NSL1: variants seen among roughly 807,000 people sequenced by gnomAD.
NSL1 encodes the protein kinetochore-associated protein NSL1 homolog.
NSL1 carries 11 observed loss-of-function variants against 25.4 expected under a neutral mutation model. The observed-to-expected ratio is 0.43, with a 90% confidence interval of 0.27 to 0.72. The LOEUF (loss-of-function observed/expected upper bound fraction) is 0.72, where lower values mean the gene tolerates loss of function less well. Among genes scored for constraint, NSL1 ranks in the 30% least tolerant of loss-of-function variants. The pLI is 0.19. For synonymous variants in NSL1, 118 were observed against 120.6 expected (o/e 0.98, Z 0.14); for missense variants, 330 against 342.7 (o/e 0.96, Z 0.29).
chr1:212,779,294 C>T (rs1296533849), intron 4 of NSL1, among the ~76,000 whole-genome samples: 2 of 142,054 alleles, frequency 1.4e-5, no homozygotes, highest in African/African-American at 5.2e-5. Flanking sequence ...TGGGGGTCAG[C>T]CCCCCGCCCA....
intron 4 of NSL1, among the ~76,000 whole-genome samples, chr1:212,756,737 T>C (rs1485382554): frequency 6.6e-6 from 1 of 152,034 alleles, no homozygotes; most frequent in Non-Finnish European, 1.5e-5. Context: ...GGAGAATCAC[T>C]TGAACCTGGG....
At chr1:212,775,891 G>T (rs1056423821) in intron 4 of NSL1, among the ~76,000 whole-genome samples, 5 of 151,696 alleles carry the variant, frequency 3.3e-5, no homozygotes, top group African/African-American at 1.2e-4. Context: ...GCAGTGGCGC[G>T]ATCTCGGCTC....
At chr1:212,773,423 A>G (rs7513772) in intron 4 of NSL1, among the ~76,000 whole-genome samples, 99,440 of 152,030 alleles carry the variant, frequency 0.65, 32,941 homozygotes, top group Non-Finnish European at 0.69. Flanking sequence ...CAAAAGATAT[A>G]TGAAAAGATG....
rs1658296414 is a variant in NSL1, at chr1:212,737,865, C to T, written c.*543G>A. ...AGTTAATCTCACAAACCTAAATTAG[C>T]TGAACATGGAGTAACAAAGTCAAAG... is the stretch of plus-strand genomic sequence containing the variant. On this transcript the variant is annotated 3_prime_UTR_variant, in exon 6 of 6. Coordinates refer to ENST00000366977, the MANE Select transcript of NSL1 (RefSeq NM_015471.4). 1 of 985,236 alleles carries T rather than the reference C, an allele frequency of 1.0e-6. No individual in the cohort carries two copies. The highest frequency in any genetic ancestry group is 1.7e-5 in the African/African-American group (1 of 57,324). The allele number at this position is 985,236 out of a possible 1,614,324, so 61.0% of individuals were successfully genotyped here.
rs909397931 is a variant in NSL1, at chr1:212,733,241, C to T, written c.*5167G>A. 1.3e-5 allele frequency among the ~76,000 whole-genome samples: 2 copies of T among 151,926 alleles called. No homozygotes were observed. Among genetic ancestry groups the T allele is most frequent in the African/African-American group, 4.8e-5 (2 of 41,350 alleles). On this transcript the variant is annotated 3_prime_UTR_variant, in exon 6 of 6. Transcript: ENST00000366977. ...TCGCTTGAGCTCACGAGTTTGAGAC[C>T]AGCCACATAGCGAAACTCCGTCTCT... is the stretch of plus-strand genomic sequence containing the variant.
intron 4 of NSL1, among the ~76,000 whole-genome samples, chr1:212,745,166 A>AAACAAAC (rs1558041828): frequency 8.5e-5 from 2 of 23,610 alleles, no homozygotes; most frequent in Non-Finnish European, 1.2e-4. Flanking sequence ...CAAACTATAT[A>AAACAAAC]TATATATATA....
chr1:212,778,148 G>A (rs1660464405), intron 4 of NSL1, among the ~76,000 whole-genome samples: 1 of 148,338 alleles, frequency 6.7e-6, no homozygotes, highest in Non-Finnish European at 1.5e-5. Context: ...AAAGCAACAT[G>A]TAGGCATAGA....
chr1:212,769,910 TGGA>T (rs1660022122), intron 4 of NSL1, among the ~76,000 whole-genome samples: 1 of 152,122 alleles, frequency 6.6e-6, no homozygotes, highest in Non-Finnish European at 1.5e-5. Flanking sequence ...AATAGCTTAA[TGGA>T]TAAAAAAGTA....
At chr1:212,762,094 T>C (rs1289134600) in intron 4 of NSL1, among the ~76,000 whole-genome samples, 1 of 151,936 alleles carries the variant, frequency 6.6e-6, no homozygotes, top group Admixed American at 6.6e-5. Context: ...GGTCAGGAGT[T>C]TGAGACTAGC....
intron 4 of NSL1, among the ~76,000 whole-genome samples, chr1:212,771,623 A>AC (rs1168178754): frequency 1.3e-5 from 2 of 151,332 alleles, no homozygotes; most frequent in Non-Finnish European, 2.9e-5. Flanking sequence ...AAAAAAAAAA[A>AC]AAAAAAAAAC....
At position 212,784,291 on chromosome 1, in the gene NSL1, G is replaced by A. The variant is rs138837903; in HGVS notation, c.444+72C>T. 1.9e-4 allele frequency: 199 copies of A among 1,046,318 alleles called. No individual in the cohort carries two copies. In the East Asian group the frequency reaches 2.9e-3, roughly 15 times the overall value. 64.8% of individuals were successfully genotyped at this position (1,046,318 alleles called of 1,614,324 possible). Reference sequence around the variant, plus strand: ...ACAACAAAATGTCACTTATCTCCACGTAGAGCCTTATATTTTAATGTTTTT... The same window carrying A: ...ACAACAAAATGTCACTTATCTCCACATAGAGCCTTATATTTTAATGTTTTT... On this transcript the variant is annotated intron_variant, in intron 3 of 5. Coordinates refer to ENST00000366977, the MANE Select transcript of NSL1 (RefSeq NM_015471.4).
At chr1:212,748,460 ACAAAT>A (rs1367159310) in intron 4 of NSL1, among the ~76,000 whole-genome samples, 3 of 152,226 alleles carry the variant, frequency 2.0e-5, no homozygotes, top group African/African-American at 7.2e-5. Context: ...AAATCTGGAA[ACAAAT>A]CAAGTAACAA....
chr1:212,745,162 A>AACAAAC (rs1240029870), intron 4 of NSL1, among the ~76,000 whole-genome samples: 9 of 17,184 alleles, frequency 5.2e-4, no homozygotes, highest in Non-Finnish European at 9.0e-4. Context: ...CAAACAAACT[A>AACAAAC]TATATATATA....
rs1657907982 is a variant in NSL1, at chr1:212,729,217, C to T, written c.*9191G>A. The T allele has an allele frequency of 3.0e-6, 3 of 985,318 alleles. No individual in the cohort carries two copies. In the Admixed American group the frequency reaches 1.8e-4, roughly 61 times the overall value. The allele number at this position is 985,318 out of a possible 1,614,324, so 61.0% of individuals were successfully genotyped here. ...AACCCATGAGTTTCACTCTCAGGTT[C>T]CCTCTAGGAGCAGAAGTGCAGGTTT... On this transcript the variant is annotated 3_prime_UTR_variant, in exon 6 of 6. Coordinates refer to ENST00000366977, the MANE Select transcript of NSL1 (RefSeq NM_015471.4).
intron 2 of NSL1, among the ~76,000 whole-genome samples, chr1:212,784,755 TCA>T (rs1174596704): frequency 1.3e-5 from 2 of 152,182 alleles, no homozygotes; most frequent in African/African-American, 2.4e-5. Context: ...CTCTAAGAGT[TCA>T]CAGTTTGCTG....
At chr1:212,787,370 A>G (rs1228116742) in intron 2 of NSL1, among the ~76,000 whole-genome samples, 189 bp downstream of exon 2, 1 of 152,224 alleles carries the variant, frequency 6.6e-6, no homozygotes, top group Non-Finnish European at 1.5e-5. Flanking sequence ...ATAGCTCTAC[A>G]GTATTTTCCA....
chr1:212,779,743 GC>G (rs1300340824), intron 4 of NSL1, among the ~76,000 whole-genome samples: 2 of 85,914 alleles, frequency 2.3e-5, no homozygotes, highest in Non-Finnish European at 5.2e-5. Flanking sequence ...GGGGGGGTCA[GC>G]CCCCCGCCCA....
At chr1:212,788,784 T>C (rs1661054593) in intron 1 of NSL1, among the ~76,000 whole-genome samples, 1 of 152,154 alleles carries the variant, frequency 6.6e-6, no homozygotes, top group African/African-American at 2.4e-5. Context: ...ATAGACAATA[T>C]TCATACCACG....
At chr1:212,779,330 G>A (rs1660563479) in intron 4 of NSL1, among the ~76,000 whole-genome samples, 1 of 144,526 alleles carries the variant, frequency 6.9e-6, no homozygotes, top group Admixed American at 6.7e-5. Context: ...CGGGAGGGAG[G>A]TGGGGGGGTC....
Sources: gnomAD v4.1 joint callset for allele counts (sites outside exome capture counted in the v4.1 genomes callset) on GRCh38, gnomAD v4.1.1 for gene constraint, MANE v1.5 for transcripts, NCBI Gene and HGNC (gene_info 2026-07-23, HGNC 2026-07-21) for gene names.